Variants in UMODL1 observed in about 807,000 individuals in gnomAD.
The protein encoded by UMODL1 is uromodulin like 1.
Under a neutral mutation model 136.3 loss-of-function variants are expected in UMODL1, and 128 were observed. That is an observed-to-expected ratio of 0.94 (90% CI 0.81 to 1.09). UMODL1 has a LOEUF of 1.09. Among genes scored for constraint, UMODL1 ranks in the 50% least tolerant of loss-of-function variants. The probability of loss-of-function intolerance (pLI) is 0.00; values close to 1 mark genes in which losing one functional copy is unlikely to be tolerated. For synonymous variants in UMODL1, 721 were observed against 720.0 expected, an observed-to-expected ratio of 1.00 and a Z score of -0.02; for missense variants, 1,766 against 1,725.6, an observed-to-expected ratio of 1.02 and a Z score of -0.41.
chr21:42,132,425 TCATC>T (rs1402101063), intron 21 of UMODL1, among the ~76,000 whole-genome samples: 1 of 151,730 alleles, frequency 6.6e-6, no homozygotes, highest in Non-Finnish European at 1.5e-5. Context: ...CATTCATCTG[TCATC>T]CATCCATCCA....
intron 22 of UMODL1, among the ~76,000 whole-genome samples, chr21:42,141,036 A>G (rs1419546667): frequency 2.6e-5 from 4 of 152,140 alleles, no homozygotes; most frequent in Non-Finnish European, 5.9e-5. Flanking sequence ...TTCCCCAGCC[A>G]AGCCCGTCTT....
chr21:42,075,244 G>GT (rs969776404), intron 1 of UMODL1, among the ~76,000 whole-genome samples: 12 of 143,192 alleles, frequency 8.4e-5, no homozygotes, highest in South Asian at 2.3e-4. Context: ...CTGGAGATGG[G>GT]GGGGGGGTTT....
chr21:42,136,444 T>C lies in UMODL1; in HGVS notation c.3776-995T>C, dbSNP rs142307588. 5.8e-3 allele frequency among the ~76,000 whole-genome samples: 889 copies of C among 152,326 alleles called. 6 individuals carry two copies. The highest frequency in any genetic ancestry group is 8.8e-3 in the Non-Finnish European group (596 of 68,018). ...CGGGTAGTTCCTATGAACAGGGTCA[T>C]GTTATTGGTGCCTCTTGGGCCTGGC... On this transcript the variant is annotated intron_variant, in intron 21 of 22. Coordinates refer to ENST00000408910, the MANE Select transcript of UMODL1 (RefSeq NM_001004416.3).
intron 7 of UMODL1, among the ~76,000 whole-genome samples, chr21:42,100,203 C>T (rs1251564193): frequency 2.0e-5 from 3 of 152,154 alleles, no homozygotes; most frequent in African/African-American, 7.2e-5. Flanking sequence ...GATGTGTGTC[C>T]CTGACGTAGA....
intron 20 of UMODL1, 86 bp from the exon 21 acceptor site, chr21:42,129,627 C>T (rs892561675): frequency 2.4e-6 from 3 of 1,239,732 alleles, no homozygotes. Flanking sequence ...TCGCATACAT[C>T]ACATTAGCAT....
intron 9 of UMODL1, among the ~76,000 whole-genome samples, chr21:42,108,839 C>T (rs58524852): frequency 0.12 from 10,654 of 90,952 alleles, 788 homozygotes; most frequent in African/African-American, 0.18. Flanking sequence ...GAATATGGCG[C>T]GGGAAGTTCA....
At chr21:42,103,232 TGCCAGAGACC>T in intron 8 of UMODL1, 1 of 202,046 alleles carries the variant, frequency 4.9e-6, no homozygotes. Context: ...TGTGTAGAAA[TGCCAGAGACC>T]CACAGAGTGT....
At chr21:42,140,035 T>C (rs1382512564) in intron 22 of UMODL1, among the ~76,000 whole-genome samples, 1 of 152,170 alleles carries the variant, frequency 6.6e-6, no homozygotes, top group Non-Finnish European at 1.5e-5. Flanking sequence ...GAGGATTGGC[T>C]TGAGTTCTCT....
intron 6 of UMODL1, among the ~76,000 whole-genome samples, chr21:42,097,324 G>T (rs1159468154): frequency 6.6e-6 from 1 of 152,194 alleles, no homozygotes; most frequent in Non-Finnish European, 1.5e-5. Context: ...CTGCTGGGAG[G>T]TGGAGTGGCA....
At chr21:42,125,685 C>A (rs1414322631) in intron 17 of UMODL1, among the ~76,000 whole-genome samples, 1 of 152,196 alleles carries the variant, frequency 6.6e-6, no homozygotes, top group African/African-American at 2.4e-5. Context: ...GGCTTCTCGG[C>A]AGTTTCCCTG....
Position 42,083,469 on chromosome 21 carries a change from G to T in UMODL1, c.320-615G>T, listed in dbSNP as rs191524519. Among the ~76,000 whole-genome samples the T allele has an allele frequency of 2.3e-3, 351 of 152,294 alleles. 2 individuals carry two copies. Among genetic ancestry groups the T allele is most frequent in the African/African-American group, 8.1e-3 (338 of 41,558 alleles). Reference sequence around the variant, plus strand: ...CGGCCCCCACCACACCCCACACCAGGCCTGTACCTCGCCTTGTGGGCGCCA... The same window carrying T: ...CGGCCCCCACCACACCCCACACCAGTCCTGTACCTCGCCTTGTGGGCGCCA... On this transcript the variant is annotated intron_variant, in intron 2 of 22. Transcript: ENST00000408910.
intron 5 of UMODL1, 82 bp downstream of exon 5, chr21:42,088,562 C>A: frequency 7.4e-7 from 1 of 1,360,478 alleles, no homozygotes; most frequent in Non-Finnish European, 9.9e-7. Context: ...ACGCTAAAGC[C>A]AGACCAGTCC....
chr21:42,069,269 A>ACACACACACACACACAC (rs1171449440), upstream of UMODL1, among the ~76,000 whole-genome samples: 7 of 46,644 alleles, frequency 1.5e-4, no homozygotes, highest in Admixed American at 7.7e-4. Context: ...CACACACACA[A>ACACACACACACACACAC]ACAGCAGGGG....
intron 1 of UMODL1, among the ~76,000 whole-genome samples, chr21:42,075,713 C>T (rs2146420080): frequency 6.6e-6 from 1 of 152,370 alleles, no homozygotes; most frequent in Middle Eastern, 3.4e-3. Context: ...CCCTGTGCTT[C>T]AGGAAGCATG....
chr21:42,140,369 G>A (rs1181139168), intron 22 of UMODL1, among the ~76,000 whole-genome samples: 3 of 150,704 alleles, frequency 2.0e-5, no homozygotes, highest in South Asian at 2.1e-4. Flanking sequence ...GTGGCTAGGA[G>A]GTCCAGGGCA....
intron 14 of UMODL1, 131 bp downstream of exon 14, chr21:42,116,116 C>T: frequency 1.8e-6 from 1 of 564,036 alleles, no homozygotes; most frequent in Non-Finnish European, 3.0e-6. Flanking sequence ...GGGCAGATTG[C>T]CTGAGCTCAG....
intron 11 of UMODL1, 28 bp from the exon 12 acceptor site, chr21:42,111,478 A>G: frequency 6.2e-7 from 1 of 1,613,890 alleles, no homozygotes. Flanking sequence ...CTGGGGCCAC[A>G]GATGGCCCAC....
chr21:42,108,838 G>A (rs1294910647), intron 9 of UMODL1, among the ~76,000 whole-genome samples: 5 of 152,122 alleles, frequency 3.3e-5, no homozygotes, highest in East Asian at 1.9e-4. Flanking sequence ...AGAATATGGC[G>A]CGGGAAGTTC....
At chr21:42,130,357 A>G (rs1037352525) in intron 21 of UMODL1, among the ~76,000 whole-genome samples, 2 of 152,202 alleles carry the variant, frequency 1.3e-5, no homozygotes, top group Non-Finnish European at 2.9e-5. Flanking sequence ...ATTACATTGC[A>G]TGTATTTTCA....
Sources: gnomAD v4.1 joint callset for allele counts (sites outside exome capture counted in the v4.1 genomes callset) on GRCh38, gnomAD v4.1.1 for gene constraint, MANE v1.5 for transcripts, NCBI Gene and HGNC (gene_info 2026-07-23, HGNC 2026-07-21) for gene names.